ART3: variants seen among roughly 807,000 people sequenced by gnomAD.
The protein encoded by ART3 is ecto-ADP-ribosyltransferase 3.
ART3 carries 49 observed loss-of-function variants against 48.5 expected under a neutral mutation model. That is an observed-to-expected ratio of 1.01 (90% CI 0.80 to 1.28). ART3 has a LOEUF of 1.28. Among genes scored for constraint, ART3 ranks in the 50% most tolerant of loss-of-function variants. The probability of loss-of-function intolerance (pLI) is 0.00; values close to 1 mark genes in which losing one functional copy is unlikely to be tolerated. For missense variants in ART3, 438 were observed against 454.3 expected (o/e 0.96, Z 0.33); for synonymous variants, 145 against 157.2 (o/e 0.92, Z 0.58).
At chr4:76,102,521 T>G (rs1390178018) in intron 8 of ART3, among the ~76,000 whole-genome samples, 1 of 152,108 alleles carries the variant, frequency 6.6e-6, no homozygotes, top group East Asian at 1.9e-4. Context: ...CATTGGGTAT[T>G]GTTAAATAAA....
At chr4:76,056,970 TATTA>T (rs1166179104) in intron 1 of ART3, among the ~76,000 whole-genome samples, 1 of 134,410 alleles carries the variant, frequency 7.4e-6, no homozygotes, top group Non-Finnish European at 1.6e-5. Flanking sequence ...GATTATTTAC[TATTA>T]ATTCTTTAAA....
chr4:76,103,311 C>T (rs923875604), intron 8 of ART3, among the ~76,000 whole-genome samples: 5 of 151,892 alleles, frequency 3.3e-5, no homozygotes, highest in African/African-American at 1.2e-4. Context: ...GAGTTATGAT[C>T]GTGTCATTGT....
In ART3 at chr4:76,112,760, T is replaced by G. The variant is rs553738364; in HGVS notation, c.*241T>G. 24 of 350,494 alleles carry G rather than the reference T, an allele frequency of 6.8e-5. No individual in the cohort carries two copies. The highest frequency in any genetic ancestry group is 1.2e-4 in the Non-Finnish European group (24 of 197,376). 21.7% of individuals were successfully genotyped at this position (350,494 alleles called of 1,614,324 possible). A position where few individuals can be genotyped will look rare whatever the true frequency, so the allele number is the denominator to read the frequency against. The stretch of plus-strand genomic sequence containing the variant: ...ATCCCGAAAACTGTATACTTCTGAT[T>G]AAATTCAATAAAAGATTTTGATTAG... On this transcript the variant is annotated 3_prime_UTR_variant, in exon 12 of 12. Transcript: ENST00000355810.
intron 11 of ART3, among the ~76,000 whole-genome samples, chr4:76,110,847 A>T (rs1578644641): frequency 6.6e-6 from 1 of 152,118 alleles, no homozygotes; most frequent in Non-Finnish European, 1.5e-5. Context: ...ATATATATAT[A>T]TAAAAAGAAA....
At chr4:76,013,497 T>C (rs1019900912) in intron 1 of ART3, among the ~76,000 whole-genome samples, 11 of 152,220 alleles carry the variant, frequency 7.2e-5, no homozygotes, top group African/African-American at 2.7e-4. Context: ...AATCTTATTT[T>C]ACTTGAACAT....
intron 3 of ART3, among the ~76,000 whole-genome samples, chr4:76,083,006 T>G (rs529168233): frequency 1.1e-4 from 17 of 152,148 alleles, no homozygotes; most frequent in African/African-American, 3.1e-4. Context: ...CTGGGAAACA[T>G]AGGGAGACCA....
At chr4:76,014,721 T>C (rs1223819224) in intron 1 of ART3, among the ~76,000 whole-genome samples, 1 of 151,244 alleles carries the variant, frequency 6.6e-6, no homozygotes, top group Non-Finnish European at 1.5e-5. Flanking sequence ...CCAAGCAAGT[T>C]AAACTCAAAA....
At chr4:76,054,849 T>A (rs1399585799) in intron 1 of ART3, among the ~76,000 whole-genome samples, 2 of 152,220 alleles carry the variant, frequency 1.3e-5, no homozygotes, top group East Asian at 3.8e-4. Context: ...AATAAATAAA[T>A]ATTTAGGCTA....
At chr4:76,067,372 G>A (rs1025096974) in intron 1 of ART3, among the ~76,000 whole-genome samples, 2 of 152,200 alleles carry the variant, frequency 1.3e-5, no homozygotes, top group Non-Finnish European at 1.5e-5. Flanking sequence ...GAGGCCCACC[G>A]AACAGGGTGA....
intron 1 of ART3, among the ~76,000 whole-genome samples, chr4:76,022,109 G>T (rs1312224659): frequency 6.6e-6 from 1 of 152,164 alleles, no homozygotes; most frequent in African/African-American, 2.4e-5. Context: ...AACCATGAAA[G>T]ACTTGGGGAA....
chr4:76,026,419 T>G (rs1392794095), intron 1 of ART3, among the ~76,000 whole-genome samples: 1 of 152,232 alleles, frequency 6.6e-6, no homozygotes, highest in Non-Finnish European at 1.5e-5. Context: ...GTTGAATGAA[T>G]CTTTACAGAC....
At chr4:76,047,889 T>A (rs1735666010) in intron 1 of ART3, among the ~76,000 whole-genome samples, 1 of 151,954 alleles carries the variant, frequency 6.6e-6, no homozygotes, top group African/African-American at 2.4e-5. Context: ...TCTATGTAGG[T>A]ACATCTGTGT....
At chr4:76,036,012 G>C (rs201011439) in intron 1 of ART3, 4 of 1,608,192 alleles carry the variant, frequency 2.5e-6, no homozygotes, top group Non-Finnish European at 3.4e-6. Context: ...GTTGCTGCTG[G>C]TGCTGCTGCT....
chr4:76,035,334 TG>T, intron 1 of ART3: 1 of 1,613,940 alleles, frequency 6.2e-7, no homozygotes, highest in Non-Finnish European at 8.5e-7. Context: ...CTTTTGAACA[TG>T]GGGAAGCCTA....
Position 76,076,003 on chromosome 4 carries a change from C to CA in ART3, c.69+45_69+46insA. On this transcript the variant is annotated intron_variant, in intron 2 of 11. Transcript: ENST00000355810. ...GCATGTGGTCATTGGAATGGAAATT[C>CA]GTTTTTTTTTTTTTTTGAGACGGAG... 1.4e-5 allele frequency: 15 copies of CA among 1,057,124 alleles called. No homozygotes were observed. In the South Asian group the frequency reaches 1.7e-4, roughly 12 times the overall value. 65.5% of individuals were successfully genotyped at this position (1,057,124 alleles called of 1,614,324 possible). A position where few individuals can be genotyped will look rare whatever the true frequency, so the allele number is the denominator to read the frequency against.
chr4:76,092,881 T>A (rs1355259973), intron 3 of ART3, among the ~76,000 whole-genome samples: 2 of 152,268 alleles, frequency 1.3e-5, no homozygotes, highest in African/African-American at 4.8e-5. Flanking sequence ...ATTTCAGTAC[T>A]TCATTGCTGC....
intron 3 of ART3, among the ~76,000 whole-genome samples, chr4:76,093,873 A>G (rs1725452598): frequency 6.6e-6 from 1 of 152,196 alleles, no homozygotes; most frequent in Non-Finnish European, 1.5e-5. Flanking sequence ...AATGACATAC[A>G]CTACTGAATG....
At chr4:76,049,235 G>A (rs1345646318) in intron 1 of ART3, among the ~76,000 whole-genome samples, 1 of 151,960 alleles carries the variant, frequency 6.6e-6, no homozygotes, top group Non-Finnish European at 1.5e-5. Context: ...AAGCACCAGG[G>A]ACAGGTAGCA....
intron 3 of ART3, among the ~76,000 whole-genome samples, chr4:76,088,866 A>T (rs1303325663): frequency 6.6e-6 from 1 of 152,130 alleles, no homozygotes; most frequent in Non-Finnish European, 1.5e-5. Context: ...TGGGTGAACT[A>T]CTAGCTTGAG....
Sources: allele counts gnomAD v4.1 joint callset (sites outside exome capture counted in the v4.1 genomes callset), GRCh38; gene constraint gnomAD v4.1.1; transcripts MANE v1.5; gene names NCBI Gene and HGNC (gene_info 2026-07-23, HGNC 2026-07-21).